The following CDH18 variants were observed in gnomAD, a reference collection of about 807,000 sequenced individuals.
CDH18 encodes the protein cadherin-18.
Under a neutral mutation model 67.9 loss-of-function variants are expected in CDH18, and 31 were observed. The ratio of observed to expected loss-of-function variants is 0.46; its 90% CI spans 0.34 to 0.62. The LOEUF (loss-of-function observed/expected upper bound fraction) is 0.62. Ranked by LOEUF, CDH18 falls within the 20% of genes least tolerant of loss-of-function variation. The pLI is 0.01. For missense variants in CDH18, 890 were observed against 975.5 expected, an observed-to-expected ratio of 0.91 and a Z score of 1.17; for synonymous variants, 362 against 347.2, an observed-to-expected ratio of 1.04 and a Z score of -0.48.
intron 1 of CDH18, among the ~76,000 whole-genome samples, chr5:20,372,890 T>C (rs1743120299): frequency 1.3e-5 from 2 of 152,162 alleles, no homozygotes; most frequent in Admixed American, 6.5e-5. Context: ...GATTCTATCA[T>C]CTGGATATCT....
intron 2 of CDH18, among the ~76,000 whole-genome samples, chr5:20,016,053 G>A (rs1231741038): frequency 6.6e-6 from 1 of 152,068 alleles, no homozygotes; most frequent in Non-Finnish European, 1.5e-5. Flanking sequence ...CCAAAACAAT[G>A]AATCAATCTA....
chr5:19,640,916 A>G (rs926715599), intron 5 of CDH18, among the ~76,000 whole-genome samples: 2 of 151,986 alleles, frequency 1.3e-5, no homozygotes, highest in Non-Finnish European at 2.9e-5. Context: ...GTGAAAGATA[A>G]TATTGACAAA....
rs144337312 is a variant in CDH18, at chr5:19,652,983, C to T, written c.644-40382G>A. 7.2e-5 allele frequency among the ~76,000 whole-genome samples: 11 copies of T among 152,170 alleles called. No homozygotes were observed. The East Asian group carries it at 1.9e-3, about 27-fold the overall frequency. ...GGTTTACTGAATTACCTCGACTTGG[C>T]TTCTAACCAGAAACTGACCTACTAT... On this transcript the variant is annotated intron_variant, in intron 5 of 12. Coordinates refer to ENST00000382275, the MANE Select transcript of CDH18 (RefSeq NM_004934.5).
chr5:20,398,732 G>A (rs1745493788), intron 1 of CDH18, among the ~76,000 whole-genome samples: 1 of 151,074 alleles, frequency 6.6e-6, no homozygotes, highest in Admixed American at 6.6e-5. Context: ...AAACCACCAC[G>A]GCACACGTAT....
At chr5:20,108,372 G>A (rs1035672582) in intron 2 of CDH18, among the ~76,000 whole-genome samples, 3 of 151,976 alleles carry the variant, frequency 2.0e-5, no homozygotes, top group Non-Finnish European at 2.9e-5. Context: ...GATTACAGCC[G>A]TGAGCCACTG....
chr5:20,052,548 G>C (rs1741526805), intron 2 of CDH18, among the ~76,000 whole-genome samples: 1 of 151,988 alleles, frequency 6.6e-6, no homozygotes, highest in East Asian at 1.9e-4. Context: ...GTCTATAATT[G>C]TTTCTTTAGT....
rs376580301 is a variant in CDH18 at position 20,141,693 on chromosome 5, T to C, written c.-518+113751A>G. 6.4e-4 allele frequency among the ~76,000 whole-genome samples: 97 copies of C among 152,248 alleles called. No homozygotes were observed. The South Asian group carries it at 0.017, about 27-fold the overall frequency. On this transcript the variant is annotated intron_variant, in intron 2 of 14. Transcript: ENST00000507958. ...GAACACAATTGCAGCAAAGGGTTTATTGGGTGCAAATTACATGGGGACATG... is the reference window on the plus strand; with the variant it reads ...GAACACAATTGCAGCAAAGGGTTTACTGGGTGCAAATTACATGGGGACATG...
At chr5:19,835,480 TA>T (rs1177795234) in intron 3 of CDH18, among the ~76,000 whole-genome samples, 7 of 151,244 alleles carry the variant, frequency 4.6e-5, no homozygotes, top group Non-Finnish European at 7.4e-5. Flanking sequence ...TGTTTCTCTG[TA>T]TTTTTTTAGA....
intron 11 of CDH18, among the ~76,000 whole-genome samples, chr5:19,492,115 T>C: frequency 6.6e-6 from 1 of 152,092 alleles, no homozygotes; most frequent in East Asian, 1.9e-4. Flanking sequence ...TTAAATGTGA[T>C]TTAGAACCCT....
At chr5:19,482,234 G>T (rs996578711) in intron 12 of CDH18, among the ~76,000 whole-genome samples, 3 of 151,908 alleles carry the variant, frequency 2.0e-5, no homozygotes, top group African/African-American at 4.8e-5. Flanking sequence ...TCCTGCCTCA[G>T]CCTCCCGAGT....
intron 12 of CDH18, among the ~76,000 whole-genome samples, chr5:19,475,455 C>A (rs141378092): frequency 6.6e-6 from 1 of 151,328 alleles, no homozygotes; most frequent in Non-Finnish European, 1.5e-5. Flanking sequence ...ATGGTTTCTA[C>A]TGAATGCATA....
chr5:19,746,871 G>T (rs1770068758), intron 4 of CDH18, 71 bp downstream of exon 4: 4 of 1,193,038 alleles, frequency 3.4e-6, no homozygotes, highest in Non-Finnish European at 4.8e-6. Flanking sequence ...AGTAAAAATT[G>T]GTATTCTAAA....
At chr5:19,931,528 T>C (rs948746474) in intron 2 of CDH18, among the ~76,000 whole-genome samples, 2 of 151,944 alleles carry the variant, frequency 1.3e-5, no homozygotes, top group African/African-American at 2.4e-5. Flanking sequence ...TAAATACAAG[T>C]ACTGATTCCT....
At chr5:19,688,952 A>G (rs1252686071) in intron 5 of CDH18, among the ~76,000 whole-genome samples, 1 of 152,136 alleles carries the variant, frequency 6.6e-6, no homozygotes. Context: ...AAAGAATTTT[A>G]GAATTTAAAG....
chr5:19,563,886 G>A (rs1247826027), intron 8 of CDH18, among the ~76,000 whole-genome samples: 4 of 152,176 alleles, frequency 2.6e-5, no homozygotes, highest in African/African-American at 7.2e-5. Context: ...AGTGGCAGCA[G>A]AGCACAAAGA....
At chr5:20,352,182 A>C (rs1741235495) in intron 1 of CDH18, among the ~76,000 whole-genome samples, 1 of 152,192 alleles carries the variant, frequency 6.6e-6, no homozygotes, top group Admixed American at 6.5e-5. Context: ...ACTCTGAGAC[A>C]GTAAGACCAA....
At chr5:20,469,011 G>C (rs1751864327) in intron 1 of CDH18, among the ~76,000 whole-genome samples, 1 of 152,214 alleles carries the variant, frequency 6.6e-6, no homozygotes, top group South Asian at 2.1e-4. Flanking sequence ...GTCCTCGGCT[G>C]AAGTCAGCTC....
intron 1 of CDH18, among the ~76,000 whole-genome samples, chr5:20,537,722 G>A (rs547234670): frequency 6.6e-6 from 1 of 151,714 alleles, no homozygotes; most frequent in South Asian, 2.1e-4. Flanking sequence ...TAAAACCATT[G>A]TCAAATACTG....
At chr5:19,568,925 C>T (rs545306609) in intron 8 of CDH18, among the ~76,000 whole-genome samples, 2 of 152,186 alleles carry the variant, frequency 1.3e-5, no homozygotes, top group Non-Finnish European at 2.9e-5. Context: ...ATTTTGCCCC[C>T]ATGTGAGAAT....
Sources: allele counts gnomAD v4.1 joint callset (sites outside exome capture counted in the v4.1 genomes callset), GRCh38; gene constraint gnomAD v4.1.1; transcripts MANE v1.5; gene names NCBI Gene and HGNC (gene_info 2026-07-23, HGNC 2026-07-21).